The following SLC35F3 variants were observed in gnomAD, a reference collection of about 807,000 sequenced individuals.
The protein encoded by SLC35F3 is putative thiamine transporter SLC35F3.
Under a neutral mutation model 49.9 loss-of-function variants are expected in SLC35F3, and 25 were observed. The observed-to-expected ratio is 0.50, with a 90% CI of 0.37 to 0.70. The LOEUF is 0.70. SLC35F3 is among the 30% of genes least tolerant of loss of function. The probability of loss-of-function intolerance (pLI) is 0.00; values close to 1 mark genes in which losing one functional copy is unlikely to be tolerated. For missense variants in SLC35F3, 525 were observed against 639.8 expected, an observed-to-expected ratio of 0.82 and a Z score of 1.94; for synonymous variants, 275 against 265.4, an observed-to-expected ratio of 1.04 and a Z score of -0.35.
chr1:234,298,537 C>A (rs1006255354), intron 3 of SLC35F3, among the ~76,000 whole-genome samples: 2 of 152,164 alleles, frequency 1.3e-5, no homozygotes, highest in African/African-American at 4.8e-5. Context: ...CACAAGTGTT[C>A]CTCGGACACA....
chr1:233,946,177 G>A (rs908814112), intron 2 of SLC35F3, among the ~76,000 whole-genome samples: 9 of 152,230 alleles, frequency 5.9e-5, no homozygotes, highest in Admixed American at 1.3e-4. Context: ...AAAGAGTGCT[G>A]GAGCAGTCAC....
intron 2 of SLC35F3, among the ~76,000 whole-genome samples, chr1:234,153,711 G>A (rs1666106877): frequency 6.6e-6 from 1 of 152,114 alleles, no homozygotes; most frequent in African/African-American, 2.4e-5. Context: ...CAGATCACTT[G>A]AGCCTAGGAG....
chr1:234,042,108 G>A (rs1489289021), intron 2 of SLC35F3, among the ~76,000 whole-genome samples: 6 of 152,090 alleles, frequency 3.9e-5, no homozygotes, highest in Admixed American at 1.3e-4. Context: ...TTTCTCCTCC[G>A]AAGTCAACTT....
intron 2 of SLC35F3, among the ~76,000 whole-genome samples, chr1:233,966,928 T>G (rs977592155): frequency 2.0e-5 from 3 of 152,172 alleles, no homozygotes; most frequent in African/African-American, 7.2e-5. Context: ...TGTGAGATAT[T>G]ACTGGTATTG....
chr1:234,039,999 G>A (rs532188672), intron 2 of SLC35F3, among the ~76,000 whole-genome samples: 59 of 152,210 alleles, frequency 3.9e-4, no homozygotes, highest in Non-Finnish European at 6.9e-4. Context: ...CCTTTTTTGG[G>A]TACCAGCACT....
At chr1:234,216,717 G>A (rs1283876178) in intron 2 of SLC35F3, among the ~76,000 whole-genome samples, 1 of 152,220 alleles carries the variant, frequency 6.6e-6, no homozygotes, top group Non-Finnish European at 1.5e-5. Context: ...CCCTTTTCCA[G>A]TTGGATTTGT....
chr1:234,270,611 TG>T (rs1221560142), intron 3 of SLC35F3, among the ~76,000 whole-genome samples: 1 of 152,178 alleles, frequency 6.6e-6, no homozygotes, highest in African/African-American at 2.4e-5. Context: ...TTGGAGAAAG[TG>T]GTAATTGCCT....
At chr1:233,905,230 G>C (rs980801439) in intron 1 of SLC35F3, 100 bp downstream of exon 1, 41 of 1,294,526 alleles carry the variant, frequency 3.2e-5, no homozygotes, top group Non-Finnish European at 4.2e-5. Flanking sequence ...TCTGAGGCTC[G>C]GGGAAGGGCG....
At chr1:233,942,614 A>G (rs1402927055) in intron 2 of SLC35F3, among the ~76,000 whole-genome samples, 2 of 152,048 alleles carry the variant, frequency 1.3e-5, no homozygotes, top group African/African-American at 2.4e-5. Context: ...GAGTTTCACC[A>G]TATTGCCCAA....
At chr1:234,290,047 A>T (rs1249073301) in intron 3 of SLC35F3, among the ~76,000 whole-genome samples, 1 of 152,224 alleles carries the variant, frequency 6.6e-6, no homozygotes, top group Admixed American at 6.5e-5. Context: ...AATAGTTATA[A>T]TTTTTTAATG....
intron 2 of SLC35F3, among the ~76,000 whole-genome samples, chr1:234,059,884 T>C (rs1229534976): frequency 2.6e-5 from 4 of 152,168 alleles, no homozygotes; most frequent in Non-Finnish European, 5.9e-5. Flanking sequence ...CACTTCATGT[T>C]TTTCTGTCTG....
At position 234,316,731 on chromosome 1, in the gene SLC35F3, C is replaced by T. The variant is rs143338613; in HGVS notation, c.954+4C>T. The T allele has an allele frequency of 1.9e-5, 30 of 1,601,716 alleles. No individual in the cohort carries two copies. Among genetic ancestry groups the T allele is most frequent in the Non-Finnish European group, 2.3e-5 (27 of 1,169,912 alleles). ...ATCGATGTCTGCCCTCTACAAGGTA[C>T]GCCCGGGGAGTGAACTTTCTCAGCT... On this transcript the variant is annotated splice_donor_region_variant and intron_variant, in intron 5 of 7. Coordinates refer to ENST00000366618, the MANE Select transcript of SLC35F3 (RefSeq NM_173508.4).
chr1:234,240,924 TATC>T (rs1218586738), intron 3 of SLC35F3, among the ~76,000 whole-genome samples: 1 of 152,208 alleles, frequency 6.6e-6, no homozygotes, highest in East Asian at 1.9e-4. Context: ...ATGTGGAACT[TATC>T]ATTGTCATGA....
intron 2 of SLC35F3, among the ~76,000 whole-genome samples, chr1:234,002,103 AT>A: frequency 6.6e-6 from 1 of 152,062 alleles, no homozygotes. Flanking sequence ...GCACCTCTCT[AT>A]TTTTTTTAAG....
Position 234,143,288 on chromosome 1 carries a change from C to CTTTT in SLC35F3, c.284-88115_284-88112dup, listed in dbSNP as rs1352256091. On this transcript the variant is annotated intron_variant, in intron 2 of 7. Transcript: ENST00000366618. ...GAGTTTGACTCTTTTCTTTTCTTTT[C>CTTTT]TTTTTTTTTTTTTTTTTGAGATAAA... Among the ~76,000 whole-genome samples the CTTTT allele has an allele frequency of 1.1e-3, 135 of 123,516 alleles. 1 individual carries two copies. The highest frequency in any genetic ancestry group is 4.3e-3 in the African/African-American group (121 of 28,200). 81.0% of individuals were successfully genotyped at this position (123,516 alleles called of 152,430 possible). A position where few individuals can be genotyped will look rare whatever the true frequency, so the allele number is the denominator to read the frequency against.
chr1:234,163,394 T>A (rs2102914543), intron 2 of SLC35F3, among the ~76,000 whole-genome samples: 1 of 152,202 alleles, frequency 6.6e-6, no homozygotes, highest in Non-Finnish European at 1.5e-5. Flanking sequence ...ACACACAGAA[T>A]GGGACAGAGG....
Position 234,214,641 on chromosome 1 carries a change from G to A in SLC35F3, c.284-16776G>A, listed in dbSNP as rs1667093938. 1.4e-6 allele frequency: 2 copies of A among 1,480,060 alleles called. No homozygotes were observed. Among genetic ancestry groups the A allele is most frequent in the East Asian group, 2.9e-5 (1 of 34,630 alleles). The allele number at this position is 1,480,060 out of a possible 1,614,324, so 91.7% of individuals were successfully genotyped here. A position where few individuals can be genotyped will look rare whatever the true frequency, so the allele number is the denominator to read the frequency against. On this transcript the variant is annotated intron_variant, in intron 2 of 7. Coordinates refer to ENST00000366618, the MANE Select transcript of SLC35F3 (RefSeq NM_173508.4). This position sits in a 1 kb window ranked among gnomAD's most constrained non-coding sequence, Gnocchi z 8.0. ...GCCGGGGAATGCTGCCACCCTGAGG[G>A]GGGCTGTCTGGCTGCGGGGCGCCGG... is the stretch of plus-strand genomic sequence containing the variant.
At chr1:234,290,874 T>C (rs541189439) in intron 3 of SLC35F3, among the ~76,000 whole-genome samples, 6 of 152,080 alleles carry the variant, frequency 3.9e-5, no homozygotes, top group Admixed American at 3.9e-4. Flanking sequence ...ATAACTCACC[T>C]TTTTTTTCCT....
At chr1:234,122,833 G>A (rs1409597965) in intron 2 of SLC35F3, among the ~76,000 whole-genome samples, 1 of 152,174 alleles carries the variant, frequency 6.6e-6, no homozygotes, top group Non-Finnish European at 1.5e-5. Context: ...ATTCCATGGT[G>A]TATACATGCC....
Sources: gnomAD v4.1 joint callset for allele counts (sites outside exome capture counted in the v4.1 genomes callset) on GRCh38, gnomAD v4.1.1 for gene constraint, Gnocchi (gnomAD v3.1) non-coding constraint, MANE v1.5 for transcripts, NCBI Gene and HGNC (gene_info 2026-07-23, HGNC 2026-07-21) for gene names.